TSHZ2: variants seen among roughly 807,000 people sequenced by gnomAD.
TSHZ2 encodes the protein teashirt homolog 2.
In TSHZ2, 21 loss-of-function variants were observed where a neutral mutation model predicts 74.4. The ratio of observed to expected loss-of-function variants is 0.28; its 90% CI spans 0.20 to 0.41. The LOEUF (loss-of-function observed/expected upper bound fraction) is 0.41. Among genes scored for constraint, TSHZ2 ranks in the 10% least tolerant of loss-of-function variants. The pLI is 1.00. For synonymous variants in TSHZ2, 540 were observed against 515.3 expected (o/e 1.05, Z -0.65); for missense variants, 1,244 against 1,293.5 (o/e 0.96, Z 0.59).
At chr20:53,065,284 T>G (rs1286443001) in intron 1 of TSHZ2, among the ~76,000 whole-genome samples, 2 of 152,198 alleles carry the variant, frequency 1.3e-5, no homozygotes, top group African/African-American at 4.8e-5. Flanking sequence ...TTGAGATGAT[T>G]ATTATTACTT....
chr20:53,482,072 C>A (rs1287569604), intron 2 of TSHZ2, among the ~76,000 whole-genome samples: 1 of 132,974 alleles, frequency 7.5e-6, no homozygotes, highest in Admixed American at 8.9e-5. Flanking sequence ...TGCCATTGCA[C>A]TGCAGCCTGG....
chr20:53,186,879 G>A (rs188741078), intron 1 of TSHZ2, among the ~76,000 whole-genome samples: 1 of 151,982 alleles, frequency 6.6e-6, no homozygotes, highest in African/African-American at 2.4e-5. Flanking sequence ...GGGGCAGTGT[G>A]TGCGCAGGGA....
intron 2 of TSHZ2, among the ~76,000 whole-genome samples, chr20:53,447,123 T>C (rs1438467579): frequency 6.6e-6 from 1 of 152,238 alleles, no homozygotes; most frequent in Non-Finnish European, 1.5e-5. Context: ...CAGAGACTGC[T>C]GCATAAGCAT....
intron 1 of TSHZ2, among the ~76,000 whole-genome samples, chr20:53,112,318 T>A (rs6097237): frequency 0.067 from 10,235 of 152,182 alleles, 811 homozygotes; most frequent in East Asian, 0.37. Flanking sequence ...AAGAAGTTCT[T>A]CAAGCCAGCA....
At chr20:53,167,891 A>C (rs970218234) in intron 1 of TSHZ2, among the ~76,000 whole-genome samples, 1 of 152,162 alleles carries the variant, frequency 6.6e-6, no homozygotes, top group African/African-American at 2.4e-5. Context: ...CATGTGAATA[A>C]CTGTCTTTCA....
intron 2 of TSHZ2, among the ~76,000 whole-genome samples, chr20:53,283,337 A>G (rs1297294918): frequency 6.6e-6 from 1 of 152,184 alleles, no homozygotes; most frequent in South Asian, 2.1e-4. Flanking sequence ...AATGCTTACT[A>G]TGTCCGAGGC....
chr20:53,116,671 G>C (rs1986676230), intron 1 of TSHZ2, among the ~76,000 whole-genome samples: 1 of 152,118 alleles, frequency 6.6e-6, no homozygotes, highest in Non-Finnish European at 1.5e-5. Flanking sequence ...CCTACCTCCT[G>C]ATTTCTCCAG....
At chr20:53,175,439 C>A (rs1988313487) in intron 1 of TSHZ2, among the ~76,000 whole-genome samples, 1 of 152,076 alleles carries the variant, frequency 6.6e-6, no homozygotes, top group Non-Finnish European at 1.5e-5. Flanking sequence ...TTGCACCTGG[C>A]CCCCTGGGCG....
At chr20:52,995,457 A>G (rs533316180) in intron 1 of TSHZ2, among the ~76,000 whole-genome samples, 2 of 152,352 alleles carry the variant, frequency 1.3e-5, no homozygotes, top group East Asian at 3.9e-4. Context: ...GATTTGCCAA[A>G]GCAAAATCAA....
intron 1 of TSHZ2, among the ~76,000 whole-genome samples, chr20:53,021,669 G>C (rs766019791): frequency 2.6e-5 from 4 of 152,128 alleles, no homozygotes; most frequent in Non-Finnish European, 4.4e-5. Context: ...ACCAACTCCA[G>C]CAGGAACTGA....
intron 2 of TSHZ2, among the ~76,000 whole-genome samples, chr20:53,370,562 AC>A (rs1981430499): frequency 6.6e-6 from 1 of 152,112 alleles, no homozygotes; most frequent in African/African-American, 2.4e-5. Flanking sequence ...GGAGTTTGAG[AC>A]CAGCCTGGGC....
At chr20:53,443,867 C>G (rs1289477289) in intron 2 of TSHZ2, among the ~76,000 whole-genome samples, 1 of 152,124 alleles carries the variant, frequency 6.6e-6, no homozygotes, top group Non-Finnish European at 1.5e-5. Context: ...GTCTCTCCAC[C>G]AATGGTGGCT....
At chr20:53,267,980 G>T (rs1990753310) in intron 2 of TSHZ2, among the ~76,000 whole-genome samples, 1 of 152,202 alleles carries the variant, frequency 6.6e-6, no homozygotes, top group African/African-American at 2.4e-5. Flanking sequence ...CTCCCAGCCA[G>T]AGCCTGAATC....
chr20:53,111,137 T>C (rs1986524168), intron 1 of TSHZ2, among the ~76,000 whole-genome samples: 1 of 152,174 alleles, frequency 6.6e-6, no homozygotes, highest in African/African-American at 2.4e-5. Flanking sequence ...GAAATCAAAA[T>C]GATAATTTGA....
chr20:53,262,116 G>T (rs1411670468), intron 2 of TSHZ2, among the ~76,000 whole-genome samples: 1 of 152,002 alleles, frequency 6.6e-6, no homozygotes, highest in Non-Finnish European at 1.5e-5. Flanking sequence ...AAGTAAACAA[G>T]CAGTTACCTT....
At chr20:53,432,890 G>A (rs1196367036) in intron 2 of TSHZ2, among the ~76,000 whole-genome samples, 3 of 152,164 alleles carry the variant, frequency 2.0e-5, no homozygotes, top group Non-Finnish European at 4.4e-5. Flanking sequence ...ACATCCAGAA[G>A]TAGGCAACAA....
In TSHZ2 at chr20:53,176,560, G is replaced by A. The variant is rs1177728431; in HGVS notation, c.41-76939G>A. On this transcript the variant is annotated intron_variant, in intron 1 of 2. Transcript: ENST00000371497. ...GCATTGATTACTGGAGTTGGTGACC[G>A]GTACTGGTGCAAAACTCCCTAATTA... 4.6e-5 allele frequency among the ~76,000 whole-genome samples: 7 copies of A among 152,104 alleles called. No homozygotes were observed. In the East Asian group the frequency reaches 1.2e-3, roughly 25 times the overall value.
At chr20:53,137,164 T>C (rs930176132) in intron 1 of TSHZ2, among the ~76,000 whole-genome samples, 5 of 152,188 alleles carry the variant, frequency 3.3e-5, no homozygotes, top group Admixed American at 2.6e-4. Flanking sequence ...TCATTGATAG[T>C]AACACTTCTG....
intron 2 of TSHZ2, among the ~76,000 whole-genome samples, chr20:53,322,525 GAAAA>G (rs990227785): frequency 1.4e-5 from 2 of 146,994 alleles, no homozygotes; most frequent in African/African-American, 2.5e-5. Flanking sequence ...AAAAAAAAAA[GAAAA>G]AAAAAACATG....
Sources: gnomAD v4.1 joint callset for allele counts (sites outside exome capture counted in the v4.1 genomes callset) on GRCh38, gnomAD v4.1.1 for gene constraint, MANE v1.5 for transcripts, NCBI Gene and HGNC (gene_info 2026-07-23, HGNC 2026-07-21) for gene names.